The following FANCI variants were observed in gnomAD, a reference collection of about 807,000 sequenced individuals.
FANCI encodes FA complementation group I.
A neutral mutation model predicts 176.1 loss-of-function variants in FANCI; 156 were observed. That is an observed-to-expected ratio of 0.89 (90% confidence interval 0.78 to 1.01). The LOEUF (loss-of-function observed/expected upper bound fraction) is 1.01, where lower values mean the gene tolerates loss of function less well. Ranked by LOEUF, FANCI falls within the 50% of genes least tolerant of loss-of-function variation. The pLI is 0.00. For missense variants in FANCI, 1,678 were observed against 1,534.1 expected (o/e 1.09, Z -1.57); for synonymous variants, 613 against 541.7 (o/e 1.13, Z -1.83).
rs555904350 is a variant in FANCI at position 89,295,001 on chromosome 15, A to G, written c.2543A>G (p.Gln848Arg). 37 of 1,552,324 alleles carry G rather than the reference A, an allele frequency of 2.4e-5. No homozygotes were observed. In the African/African-American group the frequency reaches 4.6e-4, roughly 19 times the overall value. ...FMRYAVNVAL[Q>R]KVQQLKETGH... ...CGCTATGCAGTGAATGTAGCTCTGC[A>G]GAAAGTACAGCAGCTAAAGGAAACA... The change falls in exon 24 of 38, where the codon CAG (glutamine) becomes CGG (arginine). Residue 848 changes from glutamine to arginine, a missense_variant. Gln to Arg is a conservative substitution (Grantham distance 43). Around this residue, in one of 3 missense-constraint regions of FANCI, gnomAD observed 1,204 missense variants for 1,077.4 expected, o/e 1.12. Coordinates refer to ENST00000310775, the MANE Select transcript of FANCI (RefSeq NM_001113378.2).
intron 4 of FANCI, 114 bp downstream of exon 4, chr15:89,260,957 G>A: frequency 1.5e-6 from 2 of 1,326,984 alleles, no homozygotes; most frequent in South Asian, 2.4e-5. Context: ...TTATGAGTAA[G>A]ACCTGTTGTT....
rs762378388 is a variant in FANCI, at chr15:89,261,755, G to T, written c.445+14G>T. 6.2e-7 allele frequency: 1 copy of T among 1,614,062 alleles called. No homozygotes were observed. The highest frequency in any genetic ancestry group is 1.1e-5 in the South Asian group (1 of 91,056). ...CTTATGGAAAAGGTAATTTTCTTCC[G>T]ACTTTAGTGGCTTTTTCTCTATGCA... On this transcript the variant is annotated intron_variant, in intron 5 of 37. Transcript: ENST00000310775.
intron 32 of FANCI, 99 bp from the exon 33 acceptor site, chr15:89,307,377 T>C: frequency 1.6e-6 from 2 of 1,220,586 alleles, no homozygotes; most frequent in African/African-American, 3.0e-5. Context: ...GTTTTTCCTC[T>C]TCAGTCAGAA....
chr15:89,301,386 C>G lies in FANCI; in HGVS notation c.2950C>G (p.Leu984Val). 1 of 1,614,176 alleles carries G rather than the reference C, an allele frequency of 6.2e-7. No individual in the cohort carries two copies. Among genetic ancestry groups the G allele is most frequent in the Non-Finnish European group, 8.5e-7 (1 of 1,180,014 alleles). The part of the protein sequence containing the change: ...EEDFNSKEAL[L>V]LVTVLTSLSK... The stretch of plus-strand genomic sequence containing the variant: ...AGATTTTAATAGCAAAGAAGCCCTC[C>G]TGCTAGTCACGGTTCTTACCAGTTT... Residue 984 changes from leucine to valine, a missense_variant, in exon 27 of 38, where the codon CTG becomes GTG. This residue lies in a region of FANCI where 1,204 missense variants were observed against 1,077.4 expected (regional missense o/e 1.12). Transcript: ENST00000310775.
At chr15:89,255,312 T>G (rs74033568) in intron 2 of FANCI, among the ~76,000 whole-genome samples, 1,682 of 152,308 alleles carry the variant, frequency 0.011, 20 homozygotes, top group African/African-American at 0.039. Flanking sequence ...CACTGAGCTC[T>G]TGATGTCAGT....
intron 19 of FANCI, among the ~76,000 whole-genome samples, chr15:89,291,257 A>T (rs2054056425): frequency 6.6e-6 from 1 of 152,200 alleles, no homozygotes; most frequent in African/African-American, 2.4e-5. Flanking sequence ...CACGGTACAG[A>T]TACTTTTATA....
rs3202396 is a variant in FANCI at position 89,316,450 on chromosome 15, G to A, written c.3978G>A (p.Arg1326=). The stretch of plus-strand genomic sequence containing the variant: ...ACAAAGAACCAGCCAAGAAGAAAAG[G>A]AAAAAATAAATGAAATGCCTGAGTT... ...GQNKEPAKKK[R]KK is the part of the protein sequence containing the mutation. Residue 1326 remains arginine, a synonymous_variant, in exon 38 of 38, where the codon AGG becomes AGA. Transcript: ENST00000310775. 1 of 1,610,654 alleles carries A rather than the reference G, an allele frequency of 6.2e-7. No homozygotes were observed. Among genetic ancestry groups the A allele is most frequent in the Non-Finnish European group, 8.5e-7 (1 of 1,177,942 alleles).
At chr15:89,300,055 A>T (rs779741459) in intron 25 of FANCI, 89 bp downstream of exon 25, 8 of 1,437,536 alleles carry the variant, frequency 5.6e-6, no homozygotes, top group Non-Finnish European at 7.8e-6. Context: ...ACCAGAAGAC[A>T]CTTGAGAACA....
intron 2 of FANCI, among the ~76,000 whole-genome samples, chr15:89,253,473 A>G (rs2052350442): frequency 6.6e-6 from 1 of 152,132 alleles, no homozygotes; most frequent in South Asian, 2.1e-4. Context: ...TGATTGTGCC[A>G]CTGCACTTCA....
At chr15:89,252,388 C>G (rs2052295089) in intron 2 of FANCI, among the ~76,000 whole-genome samples, 1 of 151,666 alleles carries the variant, frequency 6.6e-6, no homozygotes, top group Non-Finnish European at 1.5e-5. Flanking sequence ...TGTGATAAAA[C>G]CATCTATAAA....
At chr15:89,267,332 A>T (rs116892181) in intron 9 of FANCI, among the ~76,000 whole-genome samples, 347 of 94,746 alleles carry the variant, frequency 3.7e-3, no homozygotes, top group South Asian at 0.011. Context: ...AAAAAAAAAA[A>T]TTTTTTTTTT....
intron 10 of FANCI, 117 bp from the exon 11 acceptor site, chr15:89,273,260 C>T (rs556124953): frequency 6.2e-6 from 4 of 646,904 alleles, no homozygotes; most frequent in Admixed American, 4.9e-5. Flanking sequence ...GCTATGATTG[C>T]ATCACTGCAC....
intron 37 of FANCI, among the ~76,000 whole-genome samples, chr15:89,315,895 C>CTTCTTACTTCTAGCACCTAAAATTG (rs2055224638): frequency 6.6e-6 from 1 of 152,210 alleles, no homozygotes; most frequent in Non-Finnish European, 1.5e-5. Flanking sequence ...CCCAATGTTT[C>CTTCTTACTTCTAGCACCTAAAATTG]CTTACTTCTA....
chr15:89,248,737 T>G (rs1340873815), intron 2 of FANCI, among the ~76,000 whole-genome samples: 1 of 152,196 alleles, frequency 6.6e-6, no homozygotes, highest in Non-Finnish European at 1.5e-5. Flanking sequence ...TAGGATAGAG[T>G]AATGCTAATA....
Position 89,306,526 on chromosome 15 carries a change from T to C in FANCI, c.3537+332T>C, listed in dbSNP as rs926869179. Among the ~76,000 whole-genome samples the C allele has an allele frequency of 2.0e-5, 3 of 152,070 alleles. No homozygotes were observed. In the East Asian group the frequency reaches 5.8e-4, roughly 29 times the overall value. On this transcript the variant is annotated intron_variant, in intron 32 of 37. Transcript: ENST00000310775. ...GGCCAACATGGTGAAACCCCGTCTCTACTAAAAATACAAAAAGTAGCTGGG... is the reference window on the plus strand; with the variant it reads ...GGCCAACATGGTGAAACCCCGTCTCCACTAAAAATACAAAAAGTAGCTGGG...
At chr15:89,245,364 T>G (rs1399876452) in intron 1 of FANCI, 1 of 118,630 alleles carries the variant, frequency 8.4e-6, no homozygotes, top group Non-Finnish European at 1.7e-5. Context: ...TTTTTTTTTT[T>G]TTTTTTGTAT....
At chr15:89,287,187 A>G (rs903035495) in intron 18 of FANCI, among the ~76,000 whole-genome samples, 4 of 151,906 alleles carry the variant, frequency 2.6e-5, no homozygotes, top group African/African-American at 9.7e-5. Context: ...GTTGGCCAGG[A>G]TGGTCTCAAT....
At chr15:89,297,960 G>T (rs2151812854) in intron 24 of FANCI, among the ~76,000 whole-genome samples, 1 of 152,182 alleles carries the variant, frequency 6.6e-6, no homozygotes, top group Non-Finnish European at 1.5e-5. Flanking sequence ...AAAAAAGAGG[G>T]ATATTACATA....
At chr15:89,251,005 A>G (rs1475029285) in intron 2 of FANCI, among the ~76,000 whole-genome samples, 1 of 152,064 alleles carries the variant, frequency 6.6e-6, no homozygotes, top group Admixed American at 6.5e-5. Context: ...AGAGAACAGA[A>G]AAATAGTGGA....
Sources: allele counts gnomAD v4.1 joint callset (sites outside exome capture counted in the v4.1 genomes callset), GRCh38; gene constraint gnomAD v4.1.1; regional missense constraint gnomAD v4.1.1; transcripts MANE v1.5; gene names NCBI Gene and HGNC (gene_info 2026-07-23, HGNC 2026-07-21).